HYAL4: variants seen among roughly 807,000 people sequenced by gnomAD.
HYAL4 encodes hyaluronidase-4.
HYAL4 carries 37 observed loss-of-function variants against 35.2 expected under a neutral mutation model. The observed-to-expected ratio is 1.05, with a 90% CI of 0.81 to 1.38. The LOEUF is 1.38. Ranked by LOEUF, HYAL4 falls within the 40% of genes most tolerant of loss-of-function variation. The pLI is 0.00. For synonymous variants in HYAL4, 198 were observed against 203.2 expected (o/e 0.97, Z 0.22); for missense variants, 572 against 572.4 (o/e 1.00, Z 0.01).
the HYAL4 span, among the ~76,000 whole-genome samples, chr7:123,823,684 A>G: frequency 6.8e-6 from 1 of 147,962 alleles, no homozygotes; most frequent in Admixed American, 6.9e-5. Context: ...TCTAGAAGTT[A>G]TATATACACA....
intron 2 of HYAL4, among the ~76,000 whole-genome samples, chr7:123,857,697 C>CTTTG (rs1237776132): frequency 3.2e-5 from 4 of 123,576 alleles, no homozygotes; most frequent in Admixed American, 1.6e-4. Flanking sequence ...TTCTTTCTTT[C>CTTTG]TTTCTTTCTT....
At chr7:123,864,156 C>T (rs1220521627) in intron 2 of HYAL4, among the ~76,000 whole-genome samples, 1 of 152,156 alleles carries the variant, frequency 6.6e-6, no homozygotes, top group Non-Finnish European at 1.5e-5. Flanking sequence ...ATAGTAGCAG[C>T]TAAACCTTCC....
At chr7:123,785,374 A>C in the HYAL4 span, among the ~76,000 whole-genome samples, 2 of 152,214 alleles carry the variant, frequency 1.3e-5, no homozygotes, top group East Asian at 3.8e-4. The surrounding 1 kb of genome is among the most constrained non-coding windows in gnomAD (Gnocchi z 4.5). Flanking sequence ...GGCGTAAGCC[A>C]CTGTGCTGGA....
chr7:123,853,050 T>G (rs758715122), intron 2 of HYAL4, among the ~76,000 whole-genome samples: 2 of 152,180 alleles, frequency 1.3e-5, no homozygotes, highest in Non-Finnish European at 2.9e-5. Context: ...CTATCATTGG[T>G]GTATAGGAAT....
Position 123,876,929 on chromosome 7 carries a change from T to TA in HYAL4, c.1221dup (p.Glu408ArgfsTer4). 1 of 1,614,150 alleles carries TA rather than the reference T, an allele frequency of 6.2e-7. No individual in the cohort carries two copies. ...CACTTGAACCCTGCAAGTTACCACATAGAGGCCTCTGAGGACGGGGAGTTT... is the reference window on the plus strand; with the variant it reads ...CACTTGAACCCTGCAAGTTACCACATAAGAGGCCTCTGAGGACGGGGAGTTT... On this transcript the variant is annotated frameshift_variant, in exon 5 of 5. Coordinates refer to ENST00000223026, the MANE Select transcript of HYAL4 (RefSeq NM_012269.3). LOFTEE classifies it low-confidence loss of function (END_TRUNC).
At chr7:123,817,279 A>G in the HYAL4 span, among the ~76,000 whole-genome samples, 1 of 152,108 alleles carries the variant, frequency 6.6e-6, no homozygotes, top group South Asian at 2.1e-4. Flanking sequence ...TAGTCACCCA[A>G]TTTGAAAGTC....
chr7:123,807,432 G>GTTTGTTTTTTTTTTTTTTTT, the HYAL4 span, among the ~76,000 whole-genome samples: 2 of 120,802 alleles, frequency 1.7e-5, no homozygotes, highest in Non-Finnish European at 1.7e-5. Flanking sequence ...ACTTTTTATG[G>GTTTGTTTTTTTTTTTTTTTT]TTTTTTTTTT....
chr7:123,852,555 G>C (rs1273152736), intron 2 of HYAL4, among the ~76,000 whole-genome samples: 4 of 152,010 alleles, frequency 2.6e-5, no homozygotes, highest in Non-Finnish European at 5.9e-5. Flanking sequence ...TTGTACATGT[G>C]GTGTTATTTC....
At chr7:123,801,050 C>G in the HYAL4 span, among the ~76,000 whole-genome samples, 1 of 152,094 alleles carries the variant, frequency 6.6e-6, no homozygotes, top group Non-Finnish European at 1.5e-5. Context: ...CTTGGTGGCT[C>G]ACTTCTGTAA....
chr7:123,798,021 G>T, the HYAL4 span, among the ~76,000 whole-genome samples: 2 of 152,096 alleles, frequency 1.3e-5, no homozygotes, highest in African/African-American at 2.4e-5. Context: ...CCACCAGAGG[G>T]TGCTACTTCC....
At chr7:123,786,385 T>G in the HYAL4 span, among the ~76,000 whole-genome samples, 1 of 152,212 alleles carries the variant, frequency 6.6e-6, no homozygotes, top group Non-Finnish European at 1.5e-5. Flanking sequence ...CATACTATCC[T>G]TACTCCACTT....
the HYAL4 span, among the ~76,000 whole-genome samples, chr7:123,794,207 A>G: frequency 1.3e-5 from 2 of 152,192 alleles, no homozygotes; most frequent in African/African-American, 4.8e-5. Flanking sequence ...GATTTAGGGT[A>G]TCTGGTGGAA....
At chr7:123,791,129 C>T in the HYAL4 span, among the ~76,000 whole-genome samples, 7 of 152,016 alleles carry the variant, frequency 4.6e-5, no homozygotes, top group Non-Finnish European at 8.8e-5. Flanking sequence ...ATGCTGGTAA[C>T]GATTTGTTTA....
At chr7:123,788,114 T>A in the HYAL4 span, among the ~76,000 whole-genome samples, 4 of 152,176 alleles carry the variant, frequency 2.6e-5, no homozygotes, top group Admixed American at 2.6e-4. Flanking sequence ...GCCCTGGAGT[T>A]CGAGACTAGC....
chr7:123,801,984 T>A, the HYAL4 span, among the ~76,000 whole-genome samples: 1 of 152,178 alleles, frequency 6.6e-6, no homozygotes, highest in Non-Finnish European at 1.5e-5. Context: ...TCTAGAATAG[T>A]ATGGAAAACA....
chr7:123,866,946 A>G (rs922954619), intron 2 of HYAL4, among the ~76,000 whole-genome samples: 3 of 152,050 alleles, frequency 2.0e-5, no homozygotes, highest in Non-Finnish European at 2.9e-5. Context: ...ATGTGCCACC[A>G]CGCCAAGCTA....
the HYAL4 span, among the ~76,000 whole-genome samples, chr7:123,823,328 T>C: frequency 2.0e-5 from 3 of 152,200 alleles, no homozygotes; most frequent in Non-Finnish European, 4.4e-5. Context: ...ATGATACTTT[T>C]AATGTGCTAT....
the HYAL4 span, among the ~76,000 whole-genome samples, chr7:123,777,705 A>G: frequency 0.25 from 38,586 of 152,074 alleles, 5,221 homozygotes; most frequent in Middle Eastern, 0.35. Flanking sequence ...TTATTTCCAT[A>G]AAACTGTGAA....
At chr7:123,782,774 C>T in the HYAL4 span, among the ~76,000 whole-genome samples, 4 of 152,072 alleles carry the variant, frequency 2.6e-5, no homozygotes, top group Admixed American at 2.0e-4. Context: ...AACATGTACT[C>T]GCTTCTGAGA....
Sources: gnomAD v4.1 joint callset for allele counts (sites outside exome capture counted in the v4.1 genomes callset) on GRCh38, gnomAD v4.1.1 for gene constraint, Gnocchi (gnomAD v3.1) non-coding constraint, MANE v1.5 for transcripts, NCBI Gene and HGNC (gene_info 2026-07-23, HGNC 2026-07-21) for gene names.